PRKDC: variants seen among roughly 807,000 people sequenced by gnomAD.
PRKDC encodes the protein protein kinase, DNA-activated, catalytic subunit.
Under a neutral mutation model 486.9 loss-of-function variants are expected in PRKDC, and 82 were observed. The ratio of observed to expected loss-of-function variants is 0.17; its 90% CI spans 0.14 to 0.20. The LOEUF is 0.20. Ranked by LOEUF, PRKDC falls within the 10% of genes least tolerant of loss-of-function variation. PRKDC has a pLI of 1.00. For missense variants in PRKDC, 4,504 were observed against 5,038.2 expected (o/e 0.89, Z 3.21); for synonymous variants, 1,895 against 1,837.0 (o/e 1.03, Z -0.81).
chr8:47,932,864 A>G lies in PRKDC; in HGVS notation c.1776+156T>C, dbSNP rs1292131826. On this transcript the variant is annotated intron_variant, in intron 16 of 85. Coordinates refer to ENST00000314191, the MANE Select transcript of PRKDC (RefSeq NM_006904.7). ...CAACATTTTCTATACAATAGGTTAC[A>G]TCCAACAGAAATGCATCAGTGGCAC... Among the ~76,000 whole-genome samples the G allele has an allele frequency of 2.0e-5, 3 of 152,234 alleles. No individual in the cohort carries two copies. In the East Asian group the frequency reaches 5.8e-4, roughly 29 times the overall value.
chr8:47,939,068 A>T (rs1230240645), intron 11 of PRKDC, among the ~76,000 whole-genome samples: 4 of 151,996 alleles, frequency 2.6e-5, no homozygotes, highest in African/African-American at 9.7e-5. Flanking sequence ...CAAGTTTCCT[A>T]ATTTCTCTGC....
intron 7 of PRKDC, among the ~76,000 whole-genome samples, chr8:47,950,626 A>G (rs1057424487): frequency 1.4e-5 from 2 of 138,082 alleles, no homozygotes; most frequent in South Asian, 2.5e-4. Context: ...AAGACTCCGG[A>G]AAAAAAAAAA....
chr8:47,783,917 A>T, intron 77 of PRKDC, 108 bp from the exon 78 acceptor site: 1 of 1,118,764 alleles, frequency 8.9e-7, no homozygotes, highest in Non-Finnish European at 1.3e-6. Context: ...ACATGATAAA[A>T]CCTTTTACTG....
intron 38 of PRKDC, among the ~76,000 whole-genome samples, chr8:47,881,047 A>G (rs2089203529): frequency 6.7e-6 from 1 of 149,736 alleles, no homozygotes; most frequent in South Asian, 2.1e-4. Context: ...ACTGTCTAAA[A>G]AAAAAAAAAA....
At chr8:47,944,937 T>C (rs890199105) in intron 7 of PRKDC, among the ~76,000 whole-genome samples, 2 of 152,206 alleles carry the variant, frequency 1.3e-5, no homozygotes, top group African/African-American at 4.8e-5. Flanking sequence ...AAAAGCTACT[T>C]TGGAATTCAT....
At chr8:47,956,022 ACTT>A in intron 3 of PRKDC, 74 bp from the exon 4 acceptor site, 1 of 1,111,236 alleles carries the variant, frequency 9.0e-7, no homozygotes, top group Non-Finnish European at 1.3e-6. Flanking sequence ...ACCTGAAACT[ACTT>A]CTCCAAGAGG....
intron 34 of PRKDC, among the ~76,000 whole-genome samples, 159 bp downstream of exon 34, chr8:47,888,359 A>G (rs1373534584): frequency 1.3e-5 from 2 of 152,254 alleles, no homozygotes; most frequent in African/African-American, 4.8e-5. Flanking sequence ...TATCATAGAT[A>G]TACAGATACA....
At chr8:47,945,868 C>A (rs950921820) in intron 7 of PRKDC, among the ~76,000 whole-genome samples, 1 of 152,064 alleles carries the variant, frequency 6.6e-6, no homozygotes, top group African/African-American at 2.4e-5. Context: ...ATTACAGGCG[C>A]CTGCCACCAC....
chr8:47,800,156 C>G (rs2087070998), intron 71 of PRKDC, among the ~76,000 whole-genome samples: 1 of 151,988 alleles, frequency 6.6e-6, no homozygotes, highest in Non-Finnish European at 1.5e-5. Flanking sequence ...GACACATGCA[C>G]ACGTATGTTT....
chr8:47,901,224 C>T (rs931462821), intron 27 of PRKDC, among the ~76,000 whole-genome samples: 1 of 151,840 alleles, frequency 6.6e-6, no homozygotes, highest in African/African-American at 2.4e-5. Flanking sequence ...ACCTGTAATC[C>T]TAGAACTTTG....
rs367654146 is a variant in PRKDC, at chr8:47,851,730, C to T, written c.7005+943G>A. On this transcript the variant is annotated intron_variant, in intron 52 of 85. Transcript: ENST00000314191. ...GGGGAGCAGTGAGTGAGGCCAAAGC[C>T]GAGCTGTGGAGGTGTTCAGGGAAAT... 3.8e-3 allele frequency among the ~76,000 whole-genome samples: 586 copies of T among 152,296 alleles called. 4 individuals carry two copies. Among genetic ancestry groups the T allele is most frequent in the South Asian group, 0.025 (121 of 4,828 alleles).
intron 67 of PRKDC, among the ~76,000 whole-genome samples, chr8:47,817,831 A>G (rs2087482740): frequency 6.6e-6 from 1 of 152,264 alleles, no homozygotes; most frequent in African/African-American, 2.4e-5. Flanking sequence ...CATCTGTAAT[A>G]TCAAAATCTA....
intron 7 of PRKDC, among the ~76,000 whole-genome samples, chr8:47,953,190 C>A (rs967826449): frequency 6.6e-6 from 1 of 151,898 alleles, no homozygotes; most frequent in African/African-American, 2.4e-5. Context: ...TGCCTATAGT[C>A]CCAGCTATTC....
intron 68 of PRKDC, among the ~76,000 whole-genome samples, chr8:47,813,267 A>G (rs927029249): frequency 3.3e-5 from 5 of 151,724 alleles, no homozygotes; most frequent in Non-Finnish European, 7.4e-5. Flanking sequence ...ACAGGTGCCC[A>G]CCACCACATT....
chr8:47,855,991 C>T (rs1211502001), intron 49 of PRKDC, among the ~76,000 whole-genome samples: 1 of 152,176 alleles, frequency 6.6e-6, no homozygotes, highest in African/African-American at 2.4e-5. Context: ...ACCTCGAGCC[C>T]GGCAGTTCCA....
At chr8:47,918,214 C>G in intron 22 of PRKDC, 63 bp downstream of exon 22, 1 of 1,095,752 alleles carries the variant, frequency 9.1e-7, no homozygotes. Flanking sequence ...TTTTACTTTT[C>G]ACAAGTGTTA....
intron 39 of PRKDC, among the ~76,000 whole-genome samples, chr8:47,878,180 C>A (rs1243210144): frequency 6.7e-6 from 1 of 150,136 alleles, no homozygotes; most frequent in Non-Finnish European, 1.5e-5. Flanking sequence ...TCTCGGCTCA[C>A]TGCAAACTCC....
At chr8:47,824,877 C>G (rs2087697577) in intron 63 of PRKDC, among the ~76,000 whole-genome samples, 1 of 152,224 alleles carries the variant, frequency 6.6e-6, no homozygotes, top group Non-Finnish European at 1.5e-5. Flanking sequence ...CAGCCAAGGA[C>G]TGCTCCCTCC....
At chr8:47,819,906 T>C (rs1199815765) in intron 66 of PRKDC, among the ~76,000 whole-genome samples, 3 of 152,198 alleles carry the variant, frequency 2.0e-5, no homozygotes, top group Admixed American at 1.3e-4. Context: ...AAACAATGAA[T>C]GAATATGCTT....
Sources: allele counts gnomAD v4.1 joint callset (sites outside exome capture counted in the v4.1 genomes callset), GRCh38; gene constraint gnomAD v4.1.1; transcripts MANE v1.5; gene names NCBI Gene and HGNC (gene_info 2026-07-23, HGNC 2026-07-21).